KCNH5: variants seen among roughly 807,000 people sequenced by gnomAD.
KCNH5 encodes the protein voltage-gated delayed rectifier potassium channel KCNH5.
A neutral mutation model predicts 96.1 loss-of-function variants in KCNH5; 46 were observed. That is an observed-to-expected ratio of 0.48 (90% CI 0.38 to 0.61). The LOEUF (loss-of-function observed/expected upper bound fraction) is 0.61. Ranked by LOEUF, KCNH5 falls within the 20% of genes least tolerant of loss-of-function variation. The pLI, the probability that KCNH5 is intolerant of heterozygous loss-of-function variation, is 0.00. For synonymous variants in KCNH5, 439 were observed against 449.8 expected (o/e 0.98, Z 0.30); for missense variants, 907 against 1,225.8 (o/e 0.74, Z 3.88).
At chr14:62,922,328 T>G (rs1182457564) in intron 7 of KCNH5, among the ~76,000 whole-genome samples, 1 of 152,038 alleles carries the variant, frequency 6.6e-6, no homozygotes, top group East Asian at 1.9e-4. Flanking sequence ...AAGACACAAA[T>G]ATGTATGCAA....
chr14:62,841,244 G>C (rs940027951), intron 8 of KCNH5, among the ~76,000 whole-genome samples: 2 of 152,102 alleles, frequency 1.3e-5, no homozygotes, highest in Non-Finnish European at 2.9e-5. Context: ...TTTCTTAAAA[G>C]TTTAGTTTAT....
chr14:62,766,131 T>A (rs1329231211), intron 10 of KCNH5, among the ~76,000 whole-genome samples: 2 of 152,124 alleles, frequency 1.3e-5, no homozygotes, highest in African/African-American at 4.8e-5. Flanking sequence ...TATAATGAGT[T>A]ATCACCTCAG....
At position 62,708,361 on chromosome 14, in the gene KCNH5, G is replaced by C. The variant is rs1060502866; in HGVS notation, c.2114C>G (p.Pro705Arg). ...GAACTTCTGGAAGAGCTTTCTGACT[G>C]GGTGGTCCACGGGAATGCTGAGGGT... is the stretch of plus-strand genomic sequence containing the variant. ...EVTLSIPVDHPVRKLFQKFKQ... is the reference protein window; with the variant it reads ...EVTLSIPVDHRVRKLFQKFKQ... Residue 705 changes from proline (P) to arginine (R), a missense_variant, in exon 11 of 11, where the codon CCA becomes CGA. By Grantham distance (103) the Pro-to-Arg change is moderately radical (BLOSUM62 -2). This residue lies in a region of KCNH5 where 362 missense variants were observed against 394.4 expected (regional missense o/e 0.92). Coordinates refer to ENST00000322893, the MANE Select transcript of KCNH5 (RefSeq NM_139318.5). 2 of 1,613,964 alleles carry C rather than the reference G, an allele frequency of 1.2e-6. No homozygotes were observed. The highest frequency in any genetic ancestry group is 1.1e-5 in the South Asian group (1 of 91,080).
intron 1 of KCNH5, among the ~76,000 whole-genome samples, chr14:63,042,851 T>TCA (rs564426035): frequency 5.9e-5 from 9 of 152,270 alleles, no homozygotes; most frequent in African/African-American, 2.2e-4. Context: ...TCAGTATTTA[T>TCA]CACACACACC....
At position 62,705,820 on chromosome 14, in the gene KCNH5, A is replaced by G. The variant is rs1884418878; in HGVS notation, c.*1688T>C. ...GATAGAAAAGCTCATACAAATGGGT[A>G]TAATAGATCAAGATATCTCCTTCGA... On this transcript the variant is annotated 3_prime_UTR_variant, in exon 11 of 11. Coordinates refer to ENST00000322893, the MANE Select transcript of KCNH5 (RefSeq NM_139318.5). The G allele has an allele frequency of 6.6e-6, 1 of 152,106 alleles. No homozygotes were observed. Among genetic ancestry groups the G allele is most frequent in the Non-Finnish European group, 1.5e-5 (1 of 67,928 alleles). The allele number at this position is 152,106 out of a possible 1,614,324, so 9.4% of individuals were successfully genotyped here. A position where few individuals can be genotyped will look rare whatever the true frequency, so the allele number is the denominator to read the frequency against.
chr14:62,898,866 G>T (rs1189979271), intron 7 of KCNH5, among the ~76,000 whole-genome samples: 2 of 152,020 alleles, frequency 1.3e-5, no homozygotes, highest in Admixed American at 6.6e-5. Flanking sequence ...ATTATTAATG[G>T]TTAATAGTTG....
Position 62,811,615 on chromosome 14 carries a change from A to G in KCNH5, c.1570-9034T>C, listed in dbSNP as rs138518068. 2.4e-3 allele frequency among the ~76,000 whole-genome samples: 358 copies of G among 152,258 alleles called. 2 individuals are homozygous for G. The highest frequency in any genetic ancestry group is 8.1e-3 in the African/African-American group (335 of 41,554). On this transcript the variant is annotated intron_variant, in intron 8 of 10. Coordinates refer to ENST00000322893, the MANE Select transcript of KCNH5 (RefSeq NM_139318.5). ...AGAAAATGAGAGTAAGAGGTGTTGT[A>G]ATTTGTTGTTGTTGTTTTTAAATAA...
chr14:62,781,165 G>T (rs1223190715), intron 9 of KCNH5, among the ~76,000 whole-genome samples: 2 of 152,100 alleles, frequency 1.3e-5, no homozygotes, highest in Non-Finnish European at 2.9e-5. Flanking sequence ...TCACATGTTG[G>T]TAGGTTCCAT....
At chr14:62,745,572 T>C (rs939881435) in intron 10 of KCNH5, among the ~76,000 whole-genome samples, 3 of 152,166 alleles carry the variant, frequency 2.0e-5, no homozygotes, top group Non-Finnish European at 4.4e-5. Flanking sequence ...ATAAGGACTT[T>C]GGTCAGAAGC....
chr14:62,747,503 G>T (rs1339794020), intron 10 of KCNH5, among the ~76,000 whole-genome samples: 1 of 152,170 alleles, frequency 6.6e-6, no homozygotes, highest in Admixed American at 6.5e-5. Flanking sequence ...AGCCACAAAG[G>T]CATGGTTATA....
intron 7 of KCNH5, among the ~76,000 whole-genome samples, chr14:62,894,030 T>C (rs1322032814): frequency 6.6e-6 from 1 of 152,226 alleles, no homozygotes; most frequent in Non-Finnish European, 1.5e-5. Flanking sequence ...CATTGAAGAC[T>C]CAGATGATTT....
intron 8 of KCNH5, among the ~76,000 whole-genome samples, chr14:62,814,455 A>G (rs973805109): frequency 2.6e-5 from 4 of 152,140 alleles, no homozygotes; most frequent in Admixed American, 2.6e-4. Context: ...AATTAGAAAT[A>G]TACTTTTAAG....
intron 10 of KCNH5, among the ~76,000 whole-genome samples, chr14:62,740,623 C>T (rs773360824): frequency 3.6e-4 from 55 of 152,144 alleles, no homozygotes; most frequent in Non-Finnish European, 6.5e-4. Context: ...CAACCTCATT[C>T]TGATTTTTTC....
intron 10 of KCNH5, among the ~76,000 whole-genome samples, chr14:62,732,226 CCT>C (rs1885065194): frequency 6.6e-6 from 1 of 152,234 alleles, no homozygotes; most frequent in African/African-American, 2.4e-5. Context: ...CAATTTCTTG[CCT>C]CTCCCATCTG....
intron 1 of KCNH5, among the ~76,000 whole-genome samples, chr14:63,021,841 T>C (rs1594679296): frequency 6.6e-6 from 1 of 152,208 alleles, no homozygotes; most frequent in Non-Finnish European, 1.5e-5. Context: ...CACCATTCAC[T>C]TGTTTCTCTG....
chr14:63,024,146 T>C (rs762623573), intron 1 of KCNH5, among the ~76,000 whole-genome samples: 7 of 151,822 alleles, frequency 4.6e-5, no homozygotes, highest in African/African-American at 1.7e-4. Context: ...GAGGTAGAAG[T>C]TGCAGTGAAC....
intron 4 of KCNH5, among the ~76,000 whole-genome samples, chr14:62,992,784 T>C (rs1399872880): frequency 6.6e-6 from 1 of 152,100 alleles, no homozygotes; most frequent in Admixed American, 6.6e-5. Context: ...ACTCTGTTGG[T>C]TCTTTCTTTT....
chr14:62,947,714 GACACACACACAC>G lies in KCNH5; in HGVS notation c.1369+2407_1369+2418del, dbSNP rs373941818. On this transcript the variant is annotated intron_variant, in intron 7 of 10. Coordinates refer to ENST00000322893, the MANE Select transcript of KCNH5 (RefSeq NM_139318.5). The stretch of plus-strand genomic sequence containing the variant: ...ATGGAATCTCAGAAAGGACAGCTTA[GACACACACACAC>G]ACACACACACAAAAACCGATGACCA... Among the ~76,000 whole-genome samples the G allele has an allele frequency of 3.3e-5, 5 of 149,610 alleles. No homozygotes were observed. The East Asian group carries it at 7.8e-4, about 23-fold the overall frequency.
intron 7 of KCNH5, among the ~76,000 whole-genome samples, chr14:62,911,281 T>TC (rs1202974399): frequency 4.6e-5 from 7 of 150,846 alleles, no homozygotes; most frequent in Non-Finnish European, 8.9e-5. Flanking sequence ...CTTTTTTTTT[T>TC]CTTTTTTTTT....
Sources: allele counts gnomAD v4.1 joint callset (sites outside exome capture counted in the v4.1 genomes callset), GRCh38; gene constraint gnomAD v4.1.1; regional missense constraint gnomAD v4.1.1; transcripts MANE v1.5; gene names NCBI Gene and HGNC (gene_info 2026-07-23, HGNC 2026-07-21).